The following DHX29 variants were observed in gnomAD, a reference collection of about 807,000 sequenced individuals.
DHX29 encodes the protein DExH-box helicase 29.
Under a neutral mutation model 167.9 loss-of-function variants are expected in DHX29, and 79 were observed. That is an observed-to-expected ratio of 0.47 (90% CI 0.39 to 0.57). DHX29 has a LOEUF of 0.57. DHX29 is among the 20% of genes least tolerant of loss of function. The pLI is 0.00. For missense variants in DHX29, 1,347 were observed against 1,593.4 expected, an observed-to-expected ratio of 0.85 and a Z score of 2.63; for synonymous variants, 530 against 546.0, an observed-to-expected ratio of 0.97 and a Z score of 0.41.
intron 23 of DHX29, among the ~76,000 whole-genome samples, chr5:55,265,718 ACTGT>A (rs909765093): frequency 4.6e-5 from 7 of 151,670 alleles, no homozygotes; most frequent in Non-Finnish European, 7.4e-5. Context: ...ATACTTAAAC[ACTGT>A]CTGTATCTTT....
Position 55,283,492 on chromosome 5 carries a change from G to A in DHX29, c.1676C>T (p.Thr559Ile). The change falls in exon 11 of 27, where the codon ACA (threonine) becomes ATA (isoleucine). Residue 559 changes from threonine to isoleucine, a missense_variant. Around this residue, in one of 3 missense-constraint regions of DHX29, gnomAD observed 882 missense variants for 1,082.4 expected, o/e 0.81. Transcript: ENST00000251636. ...VRNLFRKLQSTPKYQKLLKER... is the reference protein window; with the variant it reads ...VRNLFRKLQSIPKYQKLLKER... ...CTTTAGAAGTTTCTGATACTTAGGTGTGCTTTGCAACTTTCTAAAGAGGTT... is the reference window on the plus strand; with the variant it reads ...CTTTAGAAGTTTCTGATACTTAGGTATGCTTTGCAACTTTCTAAAGAGGTT... The A allele has an allele frequency of 6.2e-7, 1 of 1,614,178 alleles. No individual in the cohort carries two copies. Among genetic ancestry groups the A allele is most frequent in the Non-Finnish European group, 8.5e-7 (1 of 1,180,032 alleles).
chr5:55,283,088 T>C (rs1159233410), intron 11 of DHX29, 115 bp downstream of exon 11: 7 of 1,171,056 alleles, frequency 6.0e-6, no homozygotes, highest in Non-Finnish European at 8.2e-6. Flanking sequence ...AATGTGCTAC[T>C]GATCAACCAA....
intron 5 of DHX29, 86 bp downstream of exon 5, chr5:55,295,293 A>C: frequency 9.6e-7 from 1 of 1,036,538 alleles, no homozygotes; most frequent in South Asian, 1.6e-5. Context: ...AAAATGTTAT[A>C]GAAACCTAAT....
At chr5:55,286,955 G>A (rs1291764918) in intron 8 of DHX29, among the ~76,000 whole-genome samples, 2 of 152,210 alleles carry the variant, frequency 1.3e-5, no homozygotes, top group African/African-American at 4.8e-5. Context: ...AAATCTCAGA[G>A]TAAATGTCAT....
intron 18 of DHX29, 38 bp from the exon 19 acceptor site, chr5:55,270,744 G>C: frequency 1.9e-6 from 3 of 1,556,294 alleles, no homozygotes; most frequent in Non-Finnish European, 2.6e-6. Flanking sequence ...GTAGATAATT[G>C]ACTTAAGTCA....
chr5:55,295,934 C>A (rs1278160014), intron 4 of DHX29, among the ~76,000 whole-genome samples: 1 of 152,124 alleles, frequency 6.6e-6, no homozygotes, highest in Non-Finnish European at 1.5e-5. Flanking sequence ...CAAGGACAGT[C>A]CTAATTTCTA....
rs1747034801 is a variant in DHX29, at chr5:55,274,969, A to T, written c.2469T>A (p.Asn823Lys). ...PVQTGAHADL[N>K]PFYQKYSSRT... ...GGCTGCTGTACTTTTGGTAAAATGGATTTAAATCAGCATGTGCTCCAGTCT... is the reference window on the plus strand; with the variant it reads ...GGCTGCTGTACTTTTGGTAAAATGGTTTTAAATCAGCATGTGCTCCAGTCT... The change falls in exon 15 of 27, where the codon AAT becomes AAA. Residue 823 changes from asparagine (N) to lysine (K), a missense_variant. Physicochemically the swap from Asn to Lys is moderately conservative, Grantham distance 94. Transcript: ENST00000251636. 2 of 1,613,820 alleles carry T rather than the reference A, an allele frequency of 1.2e-6. No homozygotes were observed. Among genetic ancestry groups the T allele is most frequent in the African/African-American group, 1.3e-5 (1 of 74,924 alleles).
chr5:55,273,605 T>C (rs1007999897), intron 16 of DHX29, among the ~76,000 whole-genome samples: 1 of 152,206 alleles, frequency 6.6e-6, no homozygotes, highest in Admixed American at 6.5e-5. Context: ...ATGTTCTTTC[T>C]AATGTTGAAG....
intron 6 of DHX29, among the ~76,000 whole-genome samples, chr5:55,290,555 A>G (rs1368205944): frequency 6.6e-6 from 1 of 152,234 alleles, no homozygotes; most frequent in Non-Finnish European, 1.5e-5. Flanking sequence ...CTGTAAAAGA[A>G]AAACTGGAAA....
At chr5:55,282,721 AGATATTT>A (rs1747495917) in intron 11 of DHX29, among the ~76,000 whole-genome samples, 1 of 152,160 alleles carries the variant, frequency 6.6e-6, no homozygotes, top group South Asian at 2.1e-4. Flanking sequence ...GCATGACAAT[AGATATTT>A]AAGTATTTTT....
At chr5:55,302,832 A>C (rs79384823) in intron 1 of DHX29, among the ~76,000 whole-genome samples, 52 of 152,298 alleles carry the variant, frequency 3.4e-4, no homozygotes, top group African/African-American at 1.2e-3. Flanking sequence ...CACTTTTGCC[A>C]AGTAAAGTGC....
At chr5:55,284,867 C>T (rs1747633555) in intron 10 of DHX29, among the ~76,000 whole-genome samples, 1 of 151,920 alleles carries the variant, frequency 6.6e-6, no homozygotes, top group Non-Finnish European at 1.5e-5. Context: ...TGTCTCTATA[C>T]AACTTTTTTA....
chr5:55,303,545 A>G (rs1040233734), intron 1 of DHX29, among the ~76,000 whole-genome samples: 1 of 152,236 alleles, frequency 6.6e-6, no homozygotes, highest in Non-Finnish European at 1.5e-5. Context: ...AATGTAAACC[A>G]GCTAAAGTTT....
At chr5:55,296,395 T>G in intron 3 of DHX29, 46 bp from the exon 4 acceptor site, 1 of 1,576,538 alleles carries the variant, frequency 6.3e-7, no homozygotes. Flanking sequence ...CAAAGTTCCC[T>G]TCCTGTGTTA....
chr5:55,283,590 A>C lies in DHX29; in HGVS notation c.1578T>G (p.Asn526Lys). ...CAGAAAAATCCTCATCCGAAACTAA[A>C]TTTTCCCAAGATTCCTCGGGATCTT... ...NSEDPEESWE[N>K]LVSDEDFSAL... The change falls in exon 11 of 27, where the codon AAT (asparagine) becomes AAG (lysine). Residue 526 changes from asparagine (N) to lysine (K), a missense_variant. Around this residue, in one of 3 missense-constraint regions of DHX29, gnomAD observed 882 missense variants for 1,082.4 expected, o/e 0.81. Coordinates refer to ENST00000251636, the MANE Select transcript of DHX29 (RefSeq NM_019030.4). The C allele has an allele frequency of 6.2e-7, 1 of 1,614,048 alleles. No individual in the cohort carries two copies. The highest frequency in any genetic ancestry group is 1.3e-5 in the African/African-American group (1 of 75,010).
intron 26 of DHX29, among the ~76,000 whole-genome samples, chr5:55,257,864 T>C (rs1746126413): frequency 6.6e-6 from 1 of 152,248 alleles, no homozygotes; most frequent in Non-Finnish European, 1.5e-5. Flanking sequence ...ACCTATACTT[T>C]ATAAAATGTA....
At chr5:55,258,549 GT>G (rs1746159219) in intron 26 of DHX29, among the ~76,000 whole-genome samples, 1 of 152,188 alleles carries the variant, frequency 6.6e-6, no homozygotes, top group South Asian at 2.1e-4. Flanking sequence ...GATTTGGCAA[GT>G]TTGAGAAACA....
chr5:55,285,919 G>T, intron 8 of DHX29, 58 bp from the exon 9 acceptor site: 1 of 1,339,050 alleles, frequency 7.5e-7, no homozygotes, highest in Non-Finnish European at 1.0e-6. Flanking sequence ...TCTTTTCAGT[G>T]ATCAAAGTCC....
intron 23 of DHX29, among the ~76,000 whole-genome samples, chr5:55,264,736 A>T (rs1015738872): frequency 6.6e-6 from 1 of 152,202 alleles, no homozygotes; most frequent in African/African-American, 2.4e-5. Context: ...ACAATTTTTT[A>T]AAAAAACAAG....
Sources: allele counts gnomAD v4.1 joint callset (sites outside exome capture counted in the v4.1 genomes callset), GRCh38; gene constraint gnomAD v4.1.1; regional missense constraint gnomAD v4.1.1; transcripts MANE v1.5; gene names NCBI Gene and HGNC (gene_info 2026-07-23, HGNC 2026-07-21).